LRP1B: variants seen among roughly 807,000 people sequenced by gnomAD.
LRP1B encodes the protein low-density lipoprotein receptor-related protein 1B.
A neutral mutation model predicts 556.6 loss-of-function variants in LRP1B; 217 were observed. The observed-to-expected ratio is 0.39, with a 90% CI of 0.35 to 0.44. The LOEUF (loss-of-function observed/expected upper bound fraction) is 0.44, where lower values mean the gene tolerates loss of function less well. Ranked by LOEUF, LRP1B falls within the 20% of genes least tolerant of loss-of-function variation. LRP1B has a pLI of 1.00. For synonymous variants in LRP1B, 2,047 were observed against 1,865.8 expected, an observed-to-expected ratio of 1.10 and a Z score of -2.50; for missense variants, 5,053 against 5,620.8, an observed-to-expected ratio of 0.90 and a Z score of 3.23.
At chr2:140,304,561 T>C (rs1050528252) in intron 83 of LRP1B, among the ~76,000 whole-genome samples, 5 of 152,176 alleles carry the variant, frequency 3.3e-5, no homozygotes, top group Non-Finnish European at 7.3e-5. Flanking sequence ...TGTAGCACTT[T>C]GTCGGATGAG....
At chr2:142,084,267 C>T (rs1964481) in intron 1 of LRP1B, among the ~76,000 whole-genome samples, 31,558 of 152,150 alleles carry the variant, frequency 0.21, 3,500 homozygotes, top group Middle Eastern at 0.43. Context: ...AAGGCATGAG[C>T]CCCTGTGCCC....
chr2:140,473,469 C>T (rs1457845985), intron 60 of LRP1B, among the ~76,000 whole-genome samples: 2 of 151,886 alleles, frequency 1.3e-5, no homozygotes, highest in African/African-American at 4.8e-5. Flanking sequence ...AAAGTCACCA[C>T]CAGTGTTATG....
At chr2:141,069,294 A>G (rs1233126088) in intron 7 of LRP1B, among the ~76,000 whole-genome samples, 2 of 152,110 alleles carry the variant, frequency 1.3e-5, no homozygotes, top group Non-Finnish European at 2.9e-5. Context: ...CTCGGCAAGT[A>G]AGAAACCTGA....
At chr2:140,250,115 C>G (rs1462867650) in intron 86 of LRP1B, among the ~76,000 whole-genome samples, 1 of 151,806 alleles carries the variant, frequency 6.6e-6, no homozygotes, top group Non-Finnish European at 1.5e-5. Flanking sequence ...TTCAAGTTAG[C>G]CCTGCACAAC....
chr2:141,813,344 AG>A (rs1314802851), intron 1 of LRP1B, among the ~76,000 whole-genome samples: 1 of 152,142 alleles, frequency 6.6e-6, no homozygotes, highest in Non-Finnish European at 1.5e-5. Context: ...CATTTTAAAT[AG>A]GTGGTCAGAG....
rs66596182 is a variant in LRP1B at position 140,291,298 on chromosome 2, TTATA to T, written c.12967+6506_12967+6509del. The stretch of plus-strand genomic sequence containing the variant: ...AGATACCACTTCAAGAAATTTTATT[TTATA>T]TATATATATATATATATTTTTATTA... On this transcript the variant is annotated intron_variant, in intron 84 of 90. Transcript: ENST00000389484. Among the ~76,000 whole-genome samples the T allele has an allele frequency of 2.5e-4, 18 of 72,000 alleles. 4 individuals are homozygous for T. In the East Asian group the frequency reaches 6.1e-3, roughly 24 times the overall value. The allele number at this position is 72,000 out of a possible 152,430, so 47.2% of individuals were successfully genotyped here.
chr2:140,357,516 C>T (rs1009861231), intron 74 of LRP1B, among the ~76,000 whole-genome samples: 1 of 150,980 alleles, frequency 6.6e-6, no homozygotes, highest in Admixed American at 6.6e-5. Flanking sequence ...TCGCAATCAG[C>T]AGGTAATAAC....
chr2:141,344,199 C>A (rs1688167308), intron 3 of LRP1B, among the ~76,000 whole-genome samples: 2 of 152,184 alleles, frequency 1.3e-5, no homozygotes, highest in Non-Finnish European at 2.9e-5. Context: ...GAATAGAAAG[C>A]CTGATTGAAA....
At chr2:141,993,486 A>G (rs916715554) in intron 1 of LRP1B, among the ~76,000 whole-genome samples, 1 of 152,128 alleles carries the variant, frequency 6.6e-6, no homozygotes, top group African/African-American at 2.4e-5. Flanking sequence ...AATGCCTATC[A>G]GGAAACTCGG....
At chr2:141,062,630 G>A (rs774163208) in intron 7 of LRP1B, among the ~76,000 whole-genome samples, 6 of 151,784 alleles carry the variant, frequency 4.0e-5, no homozygotes, top group African/African-American at 1.2e-4. Context: ...GCCAGGGCAT[G>A]TGAGCTATCA....
intron 2 of LRP1B, among the ~76,000 whole-genome samples, chr2:141,544,342 TCTTCTTCTTC>T (rs1685439250): frequency 1.1e-5 from 1 of 87,396 alleles, no homozygotes; most frequent in South Asian, 5.8e-4. Flanking sequence ...TTCTTCTTCT[TCTTCTTCTTC>T]TTCTTCTTCT....
intron 86 of LRP1B, among the ~76,000 whole-genome samples, chr2:140,268,613 G>A (rs1439934477): frequency 6.6e-6 from 1 of 151,938 alleles, no homozygotes; most frequent in Non-Finnish European, 1.5e-5. Flanking sequence ...AAGCTCAAAT[G>A]CACAATGCAA....
chr2:141,111,875 C>A (rs1574084117), intron 7 of LRP1B, among the ~76,000 whole-genome samples: 1 of 151,828 alleles, frequency 6.6e-6, no homozygotes, highest in Non-Finnish European at 1.5e-5. Context: ...GAAACCCCGT[C>A]TCTACCAAAA....
chr2:140,392,764 G>A (rs1359371941), intron 66 of LRP1B, among the ~76,000 whole-genome samples: 3 of 152,060 alleles, frequency 2.0e-5, no homozygotes, highest in Admixed American at 1.3e-4. Context: ...CTTCAAGAGT[G>A]CCAAAGGTTT....
chr2:141,471,282 T>TTTTTTTTTG (rs1682461000), intron 3 of LRP1B, among the ~76,000 whole-genome samples: 2 of 113,842 alleles, frequency 1.8e-5, no homozygotes, highest in Non-Finnish European at 1.9e-5. Flanking sequence ...TTTTTTTTTT[T>TTTTTTTTTG]TTTTTTTTTT....
chr2:140,845,412 A>T (rs1160322203), intron 29 of LRP1B, among the ~76,000 whole-genome samples: 2 of 152,168 alleles, frequency 1.3e-5, no homozygotes, highest in East Asian at 3.9e-4. Flanking sequence ...TCTCTCCATC[A>T]ATAAAAAATT....
chr2:140,833,033 T>C (rs1363141015), intron 31 of LRP1B, among the ~76,000 whole-genome samples: 1 of 152,114 alleles, frequency 6.6e-6, no homozygotes, highest in Non-Finnish European at 1.5e-5. Context: ...TAGAAAAAGA[T>C]TGTCCCAATA....
intron 2 of LRP1B, among the ~76,000 whole-genome samples, chr2:141,613,609 T>C (rs1221619589): frequency 1.3e-5 from 2 of 152,020 alleles, no homozygotes; most frequent in Non-Finnish European, 2.9e-5. Context: ...TACATTGGAG[T>C]CAATTCTGCT....
chr2:140,786,081 T>C (rs1009073401), intron 32 of LRP1B, among the ~76,000 whole-genome samples: 6 of 152,154 alleles, frequency 3.9e-5, no homozygotes, highest in Non-Finnish European at 7.3e-5. Context: ...TGTGAGCATG[T>C]CCCTCTGCTG....
Sources: gnomAD v4.1 joint callset for allele counts (sites outside exome capture counted in the v4.1 genomes callset) on GRCh38, gnomAD v4.1.1 for gene constraint, MANE v1.5 for transcripts, NCBI Gene and HGNC (gene_info 2026-07-23, HGNC 2026-07-21) for gene names.